The following LRP1B variants were observed in gnomAD, a reference collection of about 807,000 sequenced individuals.
The protein encoded by LRP1B is low-density lipoprotein receptor-related protein 1B.
In LRP1B, 217 loss-of-function variants were observed where a neutral mutation model predicts 556.6. That is an observed-to-expected ratio of 0.39 (90% CI 0.35 to 0.44). The LOEUF is 0.44. LRP1B is among the 20% of genes least tolerant of loss of function. The probability of loss-of-function intolerance (pLI) is 1.00; values close to 1 mark genes in which losing one functional copy is unlikely to be tolerated. For missense variants in LRP1B, 5,053 were observed against 5,620.8 expected (o/e 0.90, Z 3.23); for synonymous variants, 2,047 against 1,865.8 (o/e 1.10, Z -2.50).
chr2:141,462,130 A>T (rs554134648), intron 3 of LRP1B, among the ~76,000 whole-genome samples: 6 of 152,204 alleles, frequency 3.9e-5, no homozygotes, highest in African/African-American at 1.4e-4. Flanking sequence ...CAGACATACA[A>T]TGTGTTGTCT....
At chr2:140,528,640 T>C (rs562824973) in intron 47 of LRP1B, among the ~76,000 whole-genome samples, 16 of 151,882 alleles carry the variant, frequency 1.1e-4, no homozygotes, top group Admixed American at 9.2e-4. Context: ...CATTATTTGG[T>C]GTAGGGTTTG....
At position 141,051,372 on chromosome 2, in the gene LRP1B, A is replaced by G. The variant is rs760394229; in HGVS notation, c.1553-2150T>C. ...ATTTAAATAGCAAAGACCTGGAACC[A>G]ACCCAAATGCCCATCAATGAAAGAC... On this transcript the variant is annotated intron_variant, in intron 10 of 90. Transcript: ENST00000389484. 4.9e-4 allele frequency among the ~76,000 whole-genome samples: 75 copies of G among 152,268 alleles called. 1 individual carries two copies. Among genetic ancestry groups the G allele is most frequent in the Non-Finnish European group, 1.1e-3 (73 of 68,028 alleles).
intron 41 of LRP1B, among the ~76,000 whole-genome samples, chr2:140,650,721 T>C (rs1263476391): frequency 1.3e-5 from 2 of 152,098 alleles, no homozygotes; most frequent in South Asian, 2.1e-4. Context: ...AAATCCCTAG[T>C]GAAGTGTCTC....
chr2:140,562,286 C>T (rs888488213), intron 43 of LRP1B, among the ~76,000 whole-genome samples: 6 of 152,034 alleles, frequency 3.9e-5, no homozygotes, highest in Non-Finnish European at 8.8e-5. Context: ...AACCATTATT[C>T]GAAAATATAC....
intron 37 of LRP1B, among the ~76,000 whole-genome samples, chr2:140,714,900 T>C (rs1427162892): frequency 1.3e-5 from 2 of 152,078 alleles, no homozygotes; most frequent in Non-Finnish European, 1.5e-5. Context: ...TAAATATTAG[T>C]ACAAATAATG....
rs547203634 is a variant in LRP1B at position 141,523,425 on chromosome 2, C to T, written c.206-42892G>A. On this transcript the variant is annotated intron_variant, in intron 2 of 90. Coordinates refer to ENST00000389484, the MANE Select transcript of LRP1B (RefSeq NM_018557.3). ...ACCCCAGTTTCTTTGTCTACAAAAT[C>T]CTAATAATGAAAGTAATTGCCAAGA... Among the ~76,000 whole-genome samples the T allele has an allele frequency of 3.9e-5, 6 of 152,098 alleles. No individual in the cohort carries two copies. The South Asian group carries it at 1.2e-3, about 32-fold the overall frequency.
At position 140,485,401 on chromosome 2, in the gene LRP1B, T is replaced by A. The variant is rs1688423714; in HGVS notation, c.9367A>T (p.Ile3123Leu). ...VSKLNGLYPT[I>L]LVSKRLKFPR... Reference sequence around the variant, plus strand: ...AACTTCAGCCTTTTGCTAACGAGTATAGTAGGGTACAAGCCATTGAGTTTG... The same window carrying A: ...AACTTCAGCCTTTTGCTAACGAGTAAAGTAGGGTACAAGCCATTGAGTTTG... Residue 3123 changes from isoleucine (I) to leucine (L), a missense_variant, in exon 59 of 91, where the codon ATA becomes TTA. Physicochemically the swap from Ile to Leu is conservative, Grantham distance 5. Coordinates refer to ENST00000389484, the MANE Select transcript of LRP1B (RefSeq NM_018557.3). 2.5e-6 allele frequency: 4 copies of A among 1,613,822 alleles called. No homozygotes were observed. Among genetic ancestry groups the A allele is most frequent in the Non-Finnish European group, 3.4e-6 (4 of 1,179,884 alleles).
chr2:141,605,168 A>G (rs1305524728), intron 2 of LRP1B, among the ~76,000 whole-genome samples: 1 of 152,156 alleles, frequency 6.6e-6, no homozygotes, highest in Admixed American at 6.5e-5. Context: ...AAAGAGGACT[A>G]TGGCCCACAA....
At chr2:140,797,635 CTA>C (rs1200629746) in intron 32 of LRP1B, among the ~76,000 whole-genome samples, 2 of 151,976 alleles carry the variant, frequency 1.3e-5, no homozygotes, top group Admixed American at 6.6e-5. Context: ...TTATAGATCA[CTA>C]TTTTTTGCTC....
intron 68 of LRP1B, among the ~76,000 whole-genome samples, chr2:140,373,745 T>C (rs1683098113): frequency 1.3e-5 from 2 of 152,132 alleles, no homozygotes; most frequent in African/African-American, 4.8e-5. Flanking sequence ...TGAATACCAC[T>C]GCACTCGAGT....
intron 3 of LRP1B, among the ~76,000 whole-genome samples, chr2:141,390,263 C>A (rs540932137): frequency 1.3e-5 from 2 of 151,984 alleles, no homozygotes; most frequent in Admixed American, 1.3e-4. Flanking sequence ...ACTCCTCCTA[C>A]AAAGGCTATA....
rs560978960 is a variant in LRP1B at position 140,278,515 on chromosome 2, T to G, written c.12968-3917A>C. Reference sequence around the variant, plus strand: ...GGAATTCATGGTTCACTTTTTATGCTTTACAGAAAATCCTTCACTCTTTAA... The same window carrying G: ...GGAATTCATGGTTCACTTTTTATGCGTTACAGAAAATCCTTCACTCTTTAA... On this transcript the variant is annotated intron_variant, in intron 84 of 90. Transcript: ENST00000389484. 5.9e-5 allele frequency among the ~76,000 whole-genome samples: 9 copies of G among 152,148 alleles called. No homozygotes were observed. In the South Asian group the frequency reaches 1.2e-3, roughly 21 times the overall value.
chr2:141,002,965 A>G (rs188073281), intron 15 of LRP1B, among the ~76,000 whole-genome samples: 1 of 152,200 alleles, frequency 6.6e-6, no homozygotes, highest in East Asian at 1.9e-4. Context: ...TGAGAAAAGT[A>G]GTAGAAAAGA....
At chr2:141,857,416 A>G (rs1338991958) in intron 1 of LRP1B, among the ~76,000 whole-genome samples, 6 of 151,916 alleles carry the variant, frequency 3.9e-5, no homozygotes, top group Middle Eastern at 3.4e-3. Context: ...TCATGGCTCA[A>G]TGCAGCCTCA....
intron 1 of LRP1B, among the ~76,000 whole-genome samples, chr2:142,112,306 T>C (rs1707025876): frequency 6.6e-6 from 1 of 152,002 alleles, no homozygotes; most frequent in Admixed American, 6.6e-5. Context: ...GACGGAATCA[T>C]TTCAAAAGGT....
chr2:140,655,711 G>A (rs530609505), intron 41 of LRP1B, among the ~76,000 whole-genome samples: 2 of 152,322 alleles, frequency 1.3e-5, no homozygotes, highest in East Asian at 3.9e-4. Context: ...GGGGGGCCGA[G>A]GCGGGTGGAT....
chr2:140,660,237 C>T (rs1220373714), intron 41 of LRP1B, among the ~76,000 whole-genome samples: 1 of 151,938 alleles, frequency 6.6e-6, no homozygotes, highest in Non-Finnish European at 1.5e-5. Context: ...TGTGCCCATA[C>T]CTCACTGGTC....
At chr2:141,116,047 A>G (rs538230699) in intron 7 of LRP1B, among the ~76,000 whole-genome samples, 190 of 152,150 alleles carry the variant, frequency 1.2e-3, no homozygotes, top group Non-Finnish European at 2.4e-3. Flanking sequence ...AATAATGGAG[A>G]GTTTTCTTTT....
chr2:141,543,150 A>C (rs1685326589), intron 2 of LRP1B, among the ~76,000 whole-genome samples: 1 of 152,124 alleles, frequency 6.6e-6, no homozygotes, highest in Admixed American at 6.6e-5. Context: ...TTGGAGAGGA[A>C]TCTGTGTAGT....
Sources: allele counts gnomAD v4.1 joint callset (sites outside exome capture counted in the v4.1 genomes callset), GRCh38; gene constraint gnomAD v4.1.1; transcripts MANE v1.5; gene names NCBI Gene and HGNC (gene_info 2026-07-23, HGNC 2026-07-21).